The following ZNF470 variants were observed in gnomAD, a reference collection of about 807,000 sequenced individuals.
ZNF470 encodes the protein zinc finger protein 470.
ZNF470 carries 13 observed loss-of-function variants against 13.9 expected under a neutral mutation model. That is an observed-to-expected ratio of 0.94 (90% CI 0.61 to 1.49). The LOEUF (loss-of-function observed/expected upper bound fraction) is 1.49. ZNF470 is among the 40% of genes most tolerant of loss of function. The probability of loss-of-function intolerance (pLI) is 0.00; values close to 1 mark genes in which losing one functional copy is unlikely to be tolerated. For synonymous variants in ZNF470, 293 were observed against 282.9 expected (o/e 1.04, Z -0.36); for missense variants, 929 against 857.3 (o/e 1.08, Z -1.04).
At chr19:56,570,717 C>T (rs936089861) in intron 3 of ZNF470, among the ~76,000 whole-genome samples, 1 of 152,172 alleles carries the variant, frequency 6.6e-6, no homozygotes, top group African/African-American at 2.4e-5. Flanking sequence ...AGTCTCAGTC[C>T]TGATTCTCAG....
intron 3 of ZNF470, among the ~76,000 whole-genome samples, chr19:56,571,652 A>G (rs1033236788): frequency 2.6e-5 from 4 of 150,984 alleles, no homozygotes; most frequent in Non-Finnish European, 5.9e-5. Context: ...TCTGTTGCCC[A>G]GGCCAGAGTG....
chr19:56,570,917 G>T (rs372370938), intron 3 of ZNF470, among the ~76,000 whole-genome samples: 2 of 152,164 alleles, frequency 1.3e-5, no homozygotes, highest in Non-Finnish European at 2.9e-5. Flanking sequence ...GTAACAGGCC[G>T]CACAATATGG....
Position 56,577,800 on chromosome 19 carries a change from C to T in ZNF470, c.1371C>T (p.Ile457=), listed in dbSNP as rs548100904. 320 of 1,613,162 alleles carry T rather than the reference C, an allele frequency of 2.0e-4. 5 individuals carry two copies. In the South Asian group the frequency reaches 3.4e-3, roughly 17 times the overall value. The stretch of plus-strand genomic sequence containing the variant: ...GAGAGAAACCTTATGAATGCAATAT[C>T]TGTGAGAAAGCCTTCAGCCATCGTG... ...HTGEKPYECN[I]CEKAFSHRGS... The change falls in exon 6 of 6, where the codon ATC becomes ATT. Residue 457 remains isoleucine (I), a synonymous_variant. Transcript: ENST00000330619.
At chr19:56,568,402 A>G (rs1211866886) in intron 1 of ZNF470, among the ~76,000 whole-genome samples, 4 of 152,166 alleles carry the variant, frequency 2.6e-5, no homozygotes, top group African/African-American at 7.2e-5. Flanking sequence ...GCCTTGTCCC[A>G]TCTATCACTG....
rs140061272 is a variant in ZNF470 at position 56,567,931 on chromosome 19, C to T, written c.-266C>T. 3.1e-3 allele frequency: 3,087 copies of T among 985,700 alleles called. 3 individuals are homozygous for T. The highest frequency in any genetic ancestry group is 3.5e-3 in the Non-Finnish European group (2,903 of 830,198). The allele number at this position is 985,700 out of a possible 1,614,324, so 61.1% of individuals were successfully genotyped here. On this transcript the variant is annotated 5_prime_UTR_variant, in exon 1 of 6. Coordinates refer to ENST00000330619, the MANE Select transcript of ZNF470 (RefSeq NM_001001668.4). ...GGAAGTTGCCCGGGCGGGGCAGCCT[C>T]GGCTGAAGCATTTCCTGTCAGCCCT...
chr19:56,579,035 G>C lies in ZNF470; in HGVS notation c.*452G>C. 1 of 986,190 alleles carries C rather than the reference G, an allele frequency of 1.0e-6. No homozygotes were observed. The highest frequency in any genetic ancestry group is 1.2e-6 in the Non-Finnish European group (1 of 830,534). 61.1% of individuals were successfully genotyped at this position (986,190 alleles called of 1,614,324 possible). ...GAATTGAAAGATTTATGGTACACAA[G>C]GTAACATGGTGGCTTATCACTCCCT... On this transcript the variant is annotated 3_prime_UTR_variant, in exon 6 of 6. Transcript: ENST00000330619.
intron 3 of ZNF470, among the ~76,000 whole-genome samples, chr19:56,572,274 C>T (rs1436544828): frequency 1.7e-4 from 20 of 115,782 alleles, no homozygotes; most frequent in African/African-American, 5.4e-4. Flanking sequence ...GAGGCTGAGG[C>T]GGGTGGATTA....
At chr19:56,574,194 T>G in intron 3 of ZNF470, 200 bp from the exon 4 acceptor site, 1 of 889,106 alleles carries the variant, frequency 1.1e-6, no homozygotes, top group Non-Finnish European at 1.8e-6. Flanking sequence ...TCTCATTTTT[T>G]TCTTTTTCCT....
At position 56,579,873 on chromosome 19, in the gene ZNF470, A is replaced by G; in HGVS notation, c.*1290A>G. The G allele has an allele frequency of 5.8e-6, 3 of 514,206 alleles. No homozygotes were observed. The highest frequency in any genetic ancestry group is 7.5e-6 in the Non-Finnish European group (3 of 399,736). 31.9% of individuals were successfully genotyped at this position (514,206 alleles called of 1,614,324 possible). A position where few individuals can be genotyped will look rare whatever the true frequency, so the allele number is the denominator to read the frequency against. On this transcript the variant is annotated 3_prime_UTR_variant, in exon 6 of 6. Transcript: ENST00000330619. ...TTTTTTAGTTGAGAAGCTGATTCTGATCATCTGTAGAATTTTGATTTTAAC... is the reference window on the plus strand; with the variant it reads ...TTTTTTAGTTGAGAAGCTGATTCTGGTCATCTGTAGAATTTTGATTTTAAC...
intron 3 of ZNF470, 144 bp from the exon 4 acceptor site, chr19:56,574,250 C>T (rs1300521218): frequency 3.0e-6 from 4 of 1,314,524 alleles, no homozygotes; most frequent in Non-Finnish European, 4.4e-6. Context: ...AATAACTTAC[C>T]TGACCCGGAT....
chr19:56,576,640 C>G (rs2044490199), intron 5 of ZNF470, 73 bp from the exon 6 acceptor site: 1 of 1,254,020 alleles, frequency 8.0e-7, no homozygotes. Context: ...ATGTGATTCA[C>G]ATTTTCATTT....
rs2147988341 is a variant in ZNF470 at position 56,578,488 on chromosome 19, A to G, written c.2059A>G (p.Arg687Gly). Residue 687 changes from arginine to glycine, a missense_variant, in exon 6 of 6, where the codon AGG (arginine) becomes GGG (glycine). Coordinates refer to ENST00000330619, the MANE Select transcript of ZNF470 (RefSeq NM_001001668.4). ...GTGTAAAGAATGTGGAAAAGCCTTC[A>G]GGCAGAGTGTACATCTTGCTCATCA... Reference protein sequence around the residue: ...YECKECGKAFRQSVHLAHHQR... With the variant: ...YECKECGKAFGQSVHLAHHQR... The G allele has an allele frequency of 6.2e-7, 1 of 1,611,962 alleles. No homozygotes were observed. The highest frequency in any genetic ancestry group is 1.1e-5 in the South Asian group (1 of 90,834).
Position 56,567,781 on chromosome 19 carries a change from G to A in ZNF470, c.-416G>A, listed in dbSNP as rs79165645. 1.0e-6 allele frequency: 1 copy of A among 987,286 alleles called. No homozygotes were observed. Among genetic ancestry groups the A allele is most frequent in the Non-Finnish European group, 1.2e-6 (1 of 831,438 alleles). The allele number at this position is 987,286 out of a possible 1,614,324, so 61.2% of individuals were successfully genotyped here. A position where few individuals can be genotyped will look rare whatever the true frequency, so the allele number is the denominator to read the frequency against. On this transcript the variant is annotated 5_prime_UTR_variant, in exon 1 of 6. The change creates a new upstream start codon in the 5' untranslated region. Transcript: ENST00000330619. ...GGCCCGGCGGCGTGCGGAAGGCGGT[G>A]TGTGTTGGAATGAGTGAAGCACTTT...
At position 56,567,771 on chromosome 19, in the gene ZNF470, G is replaced by A; in HGVS notation, c.-426G>A. 1.0e-6 allele frequency: 1 copy of A among 987,246 alleles called. No individual in the cohort carries two copies. Among genetic ancestry groups the A allele is most frequent in the South Asian group, 4.7e-5 (1 of 21,422 alleles). The allele number at this position is 987,246 out of a possible 1,614,324, so 61.2% of individuals were successfully genotyped here. ...CTGCGTGCATGGCCCGGCGGCGTGC[G>A]GAAGGCGGTGTGTGTTGGAATGAGT... On this transcript the variant is annotated 5_prime_UTR_variant, in exon 1 of 6. Coordinates refer to ENST00000330619, the MANE Select transcript of ZNF470 (RefSeq NM_001001668.4).
chr19:56,578,205 G>A lies in ZNF470; in HGVS notation c.1776G>A (p.Pro592=), dbSNP rs768889358. ...AGAGACTCCACAGTGGCAAAAGACC[G>A]TATGAATGTCTTGAATGTGGGAAGG... is the stretch of plus-strand genomic sequence containing the variant. ...QHQRLHSGKR[P]YECLECGKAF... is the part of the protein sequence containing the mutation. Residue 592 remains proline (P), a synonymous_variant, in exon 6 of 6, where the codon CCG becomes CCA. Coordinates refer to ENST00000330619, the MANE Select transcript of ZNF470 (RefSeq NM_001001668.4). The A allele has an allele frequency of 2.7e-5, 43 of 1,613,434 alleles. No individual in the cohort carries two copies. Among genetic ancestry groups the A allele is most frequent in the East Asian group, 4.5e-5 (2 of 44,838 alleles).
At position 56,580,015 on chromosome 19, in the gene ZNF470, C is replaced by A; in HGVS notation, c.*1432C>A. 1 of 413,252 alleles carries A rather than the reference C, an allele frequency of 2.4e-6. No homozygotes were observed. Among genetic ancestry groups the A allele is most frequent in the Non-Finnish European group, 3.2e-6 (1 of 307,790 alleles). The allele number at this position is 413,252 out of a possible 1,614,324, so 25.6% of individuals were successfully genotyped here. ...GTAAGGTACAAGATGGACAAAAATA[C>A]GTGCTCTTACAGATCTAGTAGAACA... is the stretch of plus-strand genomic sequence containing the variant. On this transcript the variant is annotated 3_prime_UTR_variant, in exon 6 of 6. Transcript: ENST00000330619.
rs977805400 is a variant in ZNF470, at chr19:56,579,435, G to C, written c.*852G>C. The C allele has an allele frequency of 1.0e-6, 1 of 985,086 alleles. No individual in the cohort carries two copies. Among genetic ancestry groups the C allele is most frequent in the Admixed American group, 6.2e-5 (1 of 16,232 alleles). The allele number at this position is 985,086 out of a possible 1,614,324, so 61.0% of individuals were successfully genotyped here. On this transcript the variant is annotated 3_prime_UTR_variant, in exon 6 of 6. Transcript: ENST00000330619. ...AGACACTGTCTCAAGGAAAAACAAA[G>C]AACAAAAGCATTTGGTAGAATGTAG...
chr19:56,576,314 G>A lies in ZNF470; in HGVS notation c.284-399G>A, dbSNP rs77774857. Among the ~76,000 whole-genome samples, 1,495 of 152,080 alleles carry A rather than the reference G, an allele frequency of 9.8e-3. 24 individuals are homozygous for A. The highest frequency in any genetic ancestry group is 0.034 in the African/African-American group (1,398 of 41,474). ...CCCCAAGAAAAGAAGCCACATCCCC[G>A]AATAGTTCTTTAAGGAAAAATATCA... is the stretch of plus-strand genomic sequence containing the variant. On this transcript the variant is annotated intron_variant, in intron 5 of 5. Coordinates refer to ENST00000330619, the MANE Select transcript of ZNF470 (RefSeq NM_001001668.4).
rs2044516256 is a variant in ZNF470, at chr19:56,579,148, G to A, written c.*565G>A. 1 of 985,484 alleles carries A rather than the reference G, an allele frequency of 1.0e-6. No homozygotes were observed. Among genetic ancestry groups the A allele is most frequent in the Non-Finnish European group, 1.2e-6 (1 of 829,970 alleles). 61.0% of individuals were successfully genotyped at this position (985,484 alleles called of 1,614,324 possible). A position where few individuals can be genotyped will look rare whatever the true frequency, so the allele number is the denominator to read the frequency against. ...TTAGAACAAAAGCTTTTAGCTGGGTGCGGTGGCTCATGCCTGTAGTCCCAG... is the reference window on the plus strand; with the variant it reads ...TTAGAACAAAAGCTTTTAGCTGGGTACGGTGGCTCATGCCTGTAGTCCCAG... On this transcript the variant is annotated 3_prime_UTR_variant, in exon 6 of 6. Transcript: ENST00000330619.
Sources: allele counts gnomAD v4.1 joint callset (sites outside exome capture counted in the v4.1 genomes callset), GRCh38; gene constraint gnomAD v4.1.1; transcripts MANE v1.5; gene names NCBI Gene and HGNC (gene_info 2026-07-23, HGNC 2026-07-21).